Variants in TMEM132C observed in about 807,000 individuals in gnomAD.
The protein encoded by TMEM132C is protein phosphatase 1, regulatory subunit 152.
In TMEM132C, 29 loss-of-function variants were observed where a neutral mutation model predicts 61.4. The observed-to-expected ratio is 0.47, with a 90% CI of 0.35 to 0.64. TMEM132C has a LOEUF of 0.64. Among genes scored for constraint, TMEM132C ranks in the 30% least tolerant of loss-of-function variants. The pLI, the probability that TMEM132C is intolerant of heterozygous loss-of-function variation, is 0.00. For missense variants in TMEM132C, 1,408 were observed against 1,476.9 expected (o/e 0.95, Z 0.76); for synonymous variants, 656 against 633.1 (o/e 1.04, Z -0.54).
chr12:128,510,611 A>G (rs369113365), intron 2 of TMEM132C, among the ~76,000 whole-genome samples: 23 of 152,352 alleles, frequency 1.5e-4, no homozygotes, highest in African/African-American at 5.3e-4. Context: ...GGTTGGCAGC[A>G]AAAGCAAAGC....
intron 2 of TMEM132C, among the ~76,000 whole-genome samples, chr12:128,476,440 A>C (rs574304969): frequency 6.6e-6 from 1 of 152,338 alleles, no homozygotes; most frequent in South Asian, 2.1e-4. Context: ...TGGGAGAGAA[A>C]GGGTGAAGAA....
intron 1 of TMEM132C, among the ~76,000 whole-genome samples, chr12:128,300,625 C>G (rs2135917639): frequency 6.6e-6 from 1 of 152,284 alleles, no homozygotes; most frequent in South Asian, 2.1e-4. Flanking sequence ...CCAGTCAGTT[C>G]TAAGAACCAG....
intron 1 of TMEM132C, among the ~76,000 whole-genome samples, chr12:128,370,759 C>T (rs1157940751): frequency 6.6e-6 from 1 of 151,944 alleles, no homozygotes; most frequent in Non-Finnish European, 1.5e-5. Context: ...CAGTGTGGAT[C>T]GAGGTGGAGT....
intron 1 of TMEM132C, among the ~76,000 whole-genome samples, chr12:128,356,732 T>C (rs1315372416): frequency 6.6e-6 from 1 of 152,250 alleles, no homozygotes; most frequent in East Asian, 1.9e-4. Context: ...AATTCGGTTG[T>C]AATGAACCGT....
At chr12:128,639,896 A>G (rs1247696128) in intron 4 of TMEM132C, among the ~76,000 whole-genome samples, 1 of 152,232 alleles carries the variant, frequency 6.6e-6, no homozygotes, top group Non-Finnish European at 1.5e-5. Flanking sequence ...ACAAGTGAAG[A>G]CTGTTACATG....
intron 1 of TMEM132C, among the ~76,000 whole-genome samples, chr12:128,325,431 A>G (rs542130748): frequency 6.6e-6 from 1 of 152,272 alleles, no homozygotes; most frequent in South Asian, 2.1e-4. Context: ...CTTCCAGAAA[A>G]CAAAAATACA....
At chr12:128,595,284 A>G (rs1875906568) in intron 3 of TMEM132C, among the ~76,000 whole-genome samples, 1 of 152,206 alleles carries the variant, frequency 6.6e-6, no homozygotes, top group Admixed American at 6.5e-5. Flanking sequence ...CTATTTAGAG[A>G]TGAAAGAGTT....
At chr12:128,267,793 C>A (rs192814722) in intron 1 of TMEM132C, among the ~76,000 whole-genome samples, 1 of 152,186 alleles carries the variant, frequency 6.6e-6, no homozygotes, top group African/African-American at 2.4e-5. Context: ...TGTTTGTTCC[C>A]CATCCCTGAG....
At chr12:128,340,946 T>G (rs12321246) in intron 1 of TMEM132C, among the ~76,000 whole-genome samples, 5 of 112,924 alleles carry the variant, frequency 4.4e-5, no homozygotes, top group Non-Finnish European at 8.6e-5. Context: ...CTCTCTCTCT[T>G]TCTTTCTTTC....
intron 2 of TMEM132C, among the ~76,000 whole-genome samples, chr12:128,431,704 G>T (rs866092761): frequency 3.3e-5 from 5 of 152,062 alleles, no homozygotes; most frequent in Middle Eastern, 6.8e-3. Context: ...ACAGGTGCTG[G>T]CCACCACGCC....
At chr12:128,356,769 C>T (rs1375271194) in intron 1 of TMEM132C, among the ~76,000 whole-genome samples, 1 of 152,226 alleles carries the variant, frequency 6.6e-6, no homozygotes, top group Non-Finnish European at 1.5e-5. Flanking sequence ...CTTCTGCCCG[C>T]TCTGGAGACC....
intron 3 of TMEM132C, among the ~76,000 whole-genome samples, chr12:128,554,394 G>A (rs929702181): frequency 6.6e-6 from 1 of 152,144 alleles, no homozygotes; most frequent in Non-Finnish European, 1.5e-5. Context: ...TGGGAATGCC[G>A]GCTGTCAGTT....
chr12:128,687,040 A>G (rs1346036009), intron 5 of TMEM132C, among the ~76,000 whole-genome samples: 1 of 151,882 alleles, frequency 6.6e-6, no homozygotes, highest in Non-Finnish European at 1.5e-5. Context: ...TTACTAAAAA[A>G]ACAGTACAAA....
chr12:128,502,613 C>T (rs901109119), intron 2 of TMEM132C, among the ~76,000 whole-genome samples: 1 of 152,208 alleles, frequency 6.6e-6, no homozygotes, highest in Non-Finnish European at 1.5e-5. Flanking sequence ...AAGCTAGTGT[C>T]CCCGACCAGC....
chr12:128,665,557 G>GCA (rs757779877), intron 4 of TMEM132C, among the ~76,000 whole-genome samples: 13 of 99,366 alleles, frequency 1.3e-4, no homozygotes, highest in East Asian at 3.1e-4. Context: ...AAATACAGGC[G>GCA]CACACACACA....
chr12:128,368,778 G>A (rs1240159142), intron 1 of TMEM132C, among the ~76,000 whole-genome samples: 1 of 152,162 alleles, frequency 6.6e-6, no homozygotes, highest in African/African-American at 2.4e-5. Context: ...TCCAAGACAA[G>A]CACTGCCAGC....
At chr12:128,438,960 G>A (rs973580344) in intron 2 of TMEM132C, 10 of 152,194 alleles carry the variant, frequency 6.6e-5, no homozygotes, top group African/African-American at 2.4e-4. Flanking sequence ...TGCTGTAATA[G>A]GAGTGCCCCT....
intron 1 of TMEM132C, among the ~76,000 whole-genome samples, chr12:128,411,222 C>A (rs562597618): frequency 6.6e-6 from 1 of 152,192 alleles, no homozygotes; most frequent in Non-Finnish European, 1.5e-5. Flanking sequence ...ATTCAGTGAA[C>A]AACTTGGGGC....
intron 4 of TMEM132C, among the ~76,000 whole-genome samples, chr12:128,620,844 ATC>A (rs1316972895): frequency 2.0e-5 from 3 of 151,804 alleles, no homozygotes; most frequent in African/African-American, 7.3e-5. Context: ...ACATGTTCCT[ATC>A]TCTCTGCATA....
Sources: gnomAD v4.1 joint callset for allele counts (sites outside exome capture counted in the v4.1 genomes callset) on GRCh38, gnomAD v4.1.1 for gene constraint, MANE v1.5 for transcripts, NCBI Gene and HGNC (gene_info 2026-07-23, HGNC 2026-07-21) for gene names.